YWHAZ: variants seen among roughly 807,000 people sequenced by gnomAD.
YWHAZ encodes the protein tyrosine 3-monooxygenase/tryptophan 5-monooxygenase activation protein zeta.
For synonymous variants in YWHAZ, 87 were observed against 103.6 expected (o/e 0.84, Z 0.97); for missense variants, 79 against 284.8 (o/e 0.28, Z 5.20).
chr8:100,942,271 T>C (rs879620594), intron 2 of YWHAZ, among the ~76,000 whole-genome samples: 1 of 152,216 alleles, frequency 6.6e-6, no homozygotes, highest in Non-Finnish European at 1.5e-5. Flanking sequence ...TCTGCCAATA[T>C]GTAAAACTCT....
upstream of YWHAZ, chr8:100,953,005 C>CCGAGGTGGGGG (rs751103980): frequency 1.0e-6 from 1 of 1,000,380 alleles, no homozygotes; most frequent in Admixed American, 6.1e-5. Context: ...TGGGTGGGCG[C>CCGAGGTGGGGG]CGAGGTGGGG....
intron 2 of YWHAZ, among the ~76,000 whole-genome samples, chr8:100,935,609 C>A (rs896566772): frequency 2.0e-5 from 3 of 152,190 alleles, no homozygotes; most frequent in African/African-American, 7.2e-5. Flanking sequence ...AGGCTAAGCA[C>A]CTCCTAATAT....
intron 2 of YWHAZ, among the ~76,000 whole-genome samples, chr8:100,930,984 T>C (rs1262322878): frequency 1.3e-5 from 2 of 152,182 alleles, no homozygotes; most frequent in African/African-American, 2.4e-5. Context: ...GTTAAATATG[T>C]GATATGGGCT....
chr8:100,933,485 A>G (rs1035886370), intron 2 of YWHAZ, among the ~76,000 whole-genome samples: 6 of 152,192 alleles, frequency 3.9e-5, no homozygotes, highest in African/African-American at 1.4e-4. Flanking sequence ...TATGTTGTAC[A>G]CCTTAAATAT....
intron 1 of YWHAZ, chr8:100,951,375 C>A: frequency 1.0e-6 from 1 of 983,426 alleles, no homozygotes; most frequent in Non-Finnish European, 1.2e-6. Context: ...GGTCCCGCCG[C>A]CGCAGCGCCC....
At position 100,922,799 on chromosome 8, in the gene YWHAZ, A is replaced by AT. The variant is rs1813121403; in HGVS notation, c.678+1155dup. The stretch of plus-strand genomic sequence containing the variant: ...AAAAGTGATGTGAACAAAACACAGT[A>AT]TCTAGGTCTCAGGTCATCACTTTAA... On this transcript the variant is annotated intron_variant, in intron 5 of 5. Transcript: ENST00000395958. This position sits in a 1 kb window ranked among gnomAD's most constrained non-coding sequence, Gnocchi z 4.1. The AT allele has an allele frequency of 6.6e-6, 1 of 152,372 alleles. No homozygotes were observed. Among genetic ancestry groups the AT allele is most frequent in the South Asian group, 2.1e-4 (1 of 4,830 alleles). The allele number at this position is 152,372 out of a possible 1,614,324, so 9.4% of individuals were successfully genotyped here.
Position 100,919,760 on chromosome 8 carries a change from T to A in YWHAZ, c.*933A>T, listed in dbSNP as rs1271517435. On this transcript the variant is annotated 3_prime_UTR_variant, in exon 6 of 6. Transcript: ENST00000395958. ...TTAATACACGTGTTCTTAACAATTA[T>A]GCTTGGATTGTTCATGAAAATTTCA... is the stretch of plus-strand genomic sequence containing the variant. 4 of 152,706 alleles carry A rather than the reference T, an allele frequency of 2.6e-5. No individual in the cohort carries two copies. The East Asian group carries it at 7.7e-4, about 29-fold the overall frequency. 9.5% of individuals were successfully genotyped at this position (152,706 alleles called of 1,614,324 possible). A position where few individuals can be genotyped will look rare whatever the true frequency, so the allele number is the denominator to read the frequency against.
In YWHAZ at chr8:100,920,027, C is replaced by T. The variant is rs1000514429; in HGVS notation, c.*666G>A. The T allele has an allele frequency of 2.6e-5, 4 of 152,700 alleles. No individual in the cohort carries two copies. Among genetic ancestry groups the T allele is most frequent in the Admixed American group, 2.6e-4 (4 of 15,302 alleles). 9.5% of individuals were successfully genotyped at this position (152,700 alleles called of 1,614,324 possible). ...ACATTTGTTCTTAGGTTGCCTAAAA[C>T]ATTTAAATACAAATAAAATGAGTGT... is the stretch of plus-strand genomic sequence containing the variant. On this transcript the variant is annotated 3_prime_UTR_variant, in exon 6 of 6. Transcript: ENST00000395958.
chr8:100,938,495 TCACAAAAATACCC>T (rs1337841222), intron 2 of YWHAZ, among the ~76,000 whole-genome samples: 7 of 152,198 alleles, frequency 4.6e-5, no homozygotes, highest in Admixed American at 4.6e-4. Flanking sequence ...ATTTAAAAAC[TCACAAAAATACCC>T]CACAAATGTC....
intron 1 of YWHAZ, chr8:100,951,688 G>C: frequency 1.0e-6 from 1 of 985,404 alleles, no homozygotes; most frequent in Non-Finnish European, 1.2e-6. Flanking sequence ...GGGGGAGCGA[G>C]CACCGATCGG....
rs1178287146 is a variant in YWHAZ at position 100,918,486 on chromosome 8, A to G, written c.*2207T>C. The stretch of plus-strand genomic sequence containing the variant: ...GGCTTGGGGGTCAGGAGAAATCAGT[A>G]AGTGAGGTAAAAGAAAGAGCTGCGA... On this transcript the variant is annotated 3_prime_UTR_variant, in exon 6 of 6. Transcript: ENST00000395958. The G allele has an allele frequency of 7.5e-6, 1 of 134,220 alleles. No individual in the cohort carries two copies. Among genetic ancestry groups the G allele is most frequent in the African/African-American group, 2.7e-5 (1 of 37,238 alleles). 8.3% of individuals were successfully genotyped at this position (134,220 alleles called of 1,614,324 possible).
chr8:100,951,366 G>A, intron 1 of YWHAZ: 6 of 984,542 alleles, frequency 6.1e-6, no homozygotes, highest in Non-Finnish European at 7.2e-6. Context: ...GGAGGGCCGG[G>A]TCCCGCCGCC....
In YWHAZ at chr8:100,924,829, A is replaced by C. The variant is rs10505003; in HGVS notation, c.418+87T>G. 0.055 allele frequency: 84,924 copies of C among 1,556,986 alleles called. 2,487 individuals are homozygous for C. The highest frequency in any genetic ancestry group is 0.061 in the Non-Finnish European group (70,499 of 1,147,554). Reference sequence around the variant, plus strand: ...CCTTATTCGGCACTCTAAGCAATTCAAAACAAGACATTATGTACGCTTCAG... The same window carrying C: ...CCTTATTCGGCACTCTAAGCAATTCCAAACAAGACATTATGTACGCTTCAG... On this transcript the variant is annotated intron_variant, in intron 3 of 5. Transcript: ENST00000395958. This position sits in a 1 kb window ranked among gnomAD's most constrained non-coding sequence, Gnocchi z 5.7.
chr8:100,952,001 G>A lies in YWHAZ; in HGVS notation c.-84C>T, dbSNP rs1037947456. 1.0e-5 allele frequency: 10 copies of A among 1,003,684 alleles called. No individual in the cohort carries two copies. In the African/African-American group the frequency reaches 1.6e-4, roughly 16 times the overall value. The allele number at this position is 1,003,684 out of a possible 1,614,324, so 62.2% of individuals were successfully genotyped here. A position where few individuals can be genotyped will look rare whatever the true frequency, so the allele number is the denominator to read the frequency against. On this transcript the variant is annotated 5_prime_UTR_variant, in exon 1 of 6. Transcript: ENST00000395958. ...TCTGGGCGGCGGCGGCGGCAGCAGC[G>A]GCGAGGCTGAGACTCTGTCCCTGGA...
At position 100,918,330 on chromosome 8, in the gene YWHAZ, A is replaced by C. The variant is rs1459621939; in HGVS notation, c.*2363T>G. 1.6e-5 allele frequency: 2 copies of C among 122,900 alleles called. 1 individual carries two copies. The highest frequency in any genetic ancestry group is 5.2e-4 in the East Asian group (2 of 3,854). The allele number at this position is 122,900 out of a possible 1,614,324, so 7.6% of individuals were successfully genotyped here. A position where few individuals can be genotyped will look rare whatever the true frequency, so the allele number is the denominator to read the frequency against. ...TGCACTCAAGCCTGGGTGACAGAGC[A>C]AGACTCTTGTCTCCAAAAAAAAAAA... On this transcript the variant is annotated 3_prime_UTR_variant, in exon 6 of 6. Transcript: ENST00000395958.
At chr8:100,952,250 G>A (rs1329053502), upstream of YWHAZ, 3 of 694,168 alleles carry the variant, frequency 4.3e-6, no homozygotes, top group Non-Finnish European at 5.3e-6. Context: ...CTCGCCCGCA[G>A]CCGCCACTCC....
intron 2 of YWHAZ, among the ~76,000 whole-genome samples, chr8:100,929,688 T>C (rs1813626406): frequency 6.6e-6 from 1 of 152,204 alleles, no homozygotes; most frequent in South Asian, 2.1e-4. Flanking sequence ...TTCACAGAAT[T>C]AATTTAATGG....
chr8:100,942,032 T>C (rs1809902728), intron 2 of YWHAZ, among the ~76,000 whole-genome samples: 1 of 152,214 alleles, frequency 6.6e-6, no homozygotes, highest in African/African-American at 2.4e-5. Context: ...TATATTCTTT[T>C]ACCTGTTGTT....
chr8:100,951,407 G>A (rs1006921971), intron 1 of YWHAZ: 267 of 963,800 alleles, frequency 2.8e-4, no homozygotes, highest in Middle Eastern at 1.0e-3. Context: ...TGCGCGAGGG[G>A]GAGGGAAAGG....
Sources: allele counts gnomAD v4.1 joint callset (sites outside exome capture counted in the v4.1 genomes callset), GRCh38; gene constraint gnomAD v4.1.1; non-coding constraint Gnocchi (gnomAD v3.1); transcripts MANE v1.5; gene names NCBI Gene and HGNC (gene_info 2026-07-23, HGNC 2026-07-21).